Variants in LHFPL6 observed in about 807,000 individuals in gnomAD.
LHFPL6 encodes LHFPL tetraspan subfamily member 6 protein.
LHFPL6 carries 9 observed loss-of-function variants against 20.6 expected under a neutral mutation model. The ratio of observed to expected loss-of-function variants is 0.44; its 90% confidence interval spans 0.26 to 0.76. LHFPL6 has a LOEUF of 0.76. Among genes scored for constraint, LHFPL6 ranks in the 30% least tolerant of loss-of-function variants. The pLI is 0.20. For missense variants in LHFPL6, 218 were observed against 253.5 expected (o/e 0.86, Z 0.95); for synonymous variants, 105 against 98.7 (o/e 1.06, Z -0.38).
chr13:39,345,168 A>G (rs1869357870), intron 3 of LHFPL6, among the ~76,000 whole-genome samples: 1 of 152,220 alleles, frequency 6.6e-6, no homozygotes, highest in Admixed American at 6.5e-5. Context: ...ATACAAACAT[A>G]AACACCAAGA....
At chr13:39,393,442 G>GTCTCAA (rs1870760617) in intron 2 of LHFPL6, among the ~76,000 whole-genome samples, 1 of 152,194 alleles carries the variant, frequency 6.6e-6, no homozygotes, top group Admixed American at 6.5e-5. Context: ...TTTTAGGCTG[G>GTCTCAA]ACCTGAGGGG....
At position 39,378,537 on chromosome 13, in the gene LHFPL6, A is replaced by G; in HGVS notation, c.386-11T>C. On this transcript the variant is annotated splice_polypyrimidine_tract_variant and intron_variant, in intron 2 of 3. Transcript: ENST00000379589. ...CACCAATCAACAAGCCTGCAAAGAG[A>G]TAAGACAAGAGGGCTTTACCAGTGC... The G allele has an allele frequency of 6.2e-7, 1 of 1,607,310 alleles. No homozygotes were observed. Among genetic ancestry groups the G allele is most frequent in the Non-Finnish European group, 8.5e-7 (1 of 1,173,984 alleles).
chr13:39,559,381 G>A (rs1445835449), intron 2 of LHFPL6, among the ~76,000 whole-genome samples: 5 of 152,166 alleles, frequency 3.3e-5, no homozygotes, highest in African/African-American at 1.2e-4. Flanking sequence ...AGCATGATGC[G>A]GAGGCAGACA....
chr13:39,566,884 C>T (rs1375936211), intron 2 of LHFPL6, among the ~76,000 whole-genome samples: 1 of 151,942 alleles, frequency 6.6e-6, no homozygotes, highest in Admixed American at 6.6e-5. Context: ...AATAATAATA[C>T]TTAATTTCTC....
intron 2 of LHFPL6, among the ~76,000 whole-genome samples, chr13:39,583,813 G>A (rs995733745): frequency 6.6e-5 from 10 of 152,104 alleles, no homozygotes; most frequent in Non-Finnish European, 1.2e-4. Context: ...CTCAATGCAA[G>A]TCCTTCTGGC....
At chr13:39,353,566 A>T (rs1196386765) in intron 3 of LHFPL6, among the ~76,000 whole-genome samples, 1 of 151,876 alleles carries the variant, frequency 6.6e-6, no homozygotes, top group Middle Eastern at 3.2e-3. Context: ...CTCTACTAAA[A>T]AAAACCAAAA....
intron 2 of LHFPL6, among the ~76,000 whole-genome samples, chr13:39,437,641 C>T (rs1001372385): frequency 3.3e-5 from 5 of 152,172 alleles, no homozygotes; most frequent in African/African-American, 1.2e-4. Flanking sequence ...CGGTGGCTCA[C>T]GCCTGTAATC....
At chr13:39,546,794 T>A (rs1388451482) in intron 2 of LHFPL6, among the ~76,000 whole-genome samples, 3 of 152,096 alleles carry the variant, frequency 2.0e-5, no homozygotes, top group Admixed American at 2.0e-4. Flanking sequence ...TGTCCACTGC[T>A]TTTTTACTGC....
At chr13:39,520,129 C>T (rs148618607) in intron 2 of LHFPL6, among the ~76,000 whole-genome samples, 1 of 152,320 alleles carries the variant, frequency 6.6e-6, no homozygotes, top group African/African-American at 2.4e-5. Context: ...TGAATCAACA[C>T]CTTTTGTCAT....
Position 39,597,625 on chromosome 13 carries a change from T to C in LHFPL6, c.385+3207A>G, listed in dbSNP as rs187836657. Among the ~76,000 whole-genome samples, 200 of 152,322 alleles carry C rather than the reference T, an allele frequency of 1.3e-3. 1 individual carries two copies. The highest frequency in any genetic ancestry group is 4.7e-3 in the African/African-American group (195 of 41,570). ...TTGAGGGTAACTCAACCCACACTGG[T>C]TCTTTAAAGTTAGACATAAACATAC... is the stretch of plus-strand genomic sequence containing the variant. On this transcript the variant is annotated intron_variant, in intron 2 of 3. Transcript: ENST00000379589.
intron 2 of LHFPL6, among the ~76,000 whole-genome samples, chr13:39,397,454 C>A (rs1256801093): frequency 6.6e-6 from 1 of 152,216 alleles, no homozygotes; most frequent in Non-Finnish European, 1.5e-5. Flanking sequence ...ATGTGAGATG[C>A]AAGCTGCATG....
intron 2 of LHFPL6, among the ~76,000 whole-genome samples, chr13:39,471,870 T>C (rs1872957091): frequency 6.6e-6 from 1 of 152,212 alleles, no homozygotes. Flanking sequence ...AAAAATCCAG[T>C]TACTTTTCAC....
rs142526688 is a variant in LHFPL6 at position 39,378,478 on chromosome 13, C to T, written c.434G>A (p.Ser145Asn). ...GCALYPLGWD[S>N]EEVRQTCGYT... ...GCCACAAGTCTGCCGGACTTCCTCACTGTCCCAGCCCAAGGGGTAGAGGGC... is the reference window on the plus strand; with the variant it reads ...GCCACAAGTCTGCCGGACTTCCTCATTGTCCCAGCCCAAGGGGTAGAGGGC... The change falls in exon 3 of 4, where the codon AGT becomes AAT. Residue 145 changes from serine (S) to asparagine (N), a missense_variant. Ser to Asn is a conservative substitution (Grantham distance 46). Transcript: ENST00000379589. 63 of 1,614,038 alleles carry T rather than the reference C, an allele frequency of 3.9e-5. No individual in the cohort carries two copies. The African/African-American group carries it at 7.9e-4, about 20-fold the overall frequency.
intron 2 of LHFPL6, among the ~76,000 whole-genome samples, chr13:39,427,993 A>T (rs966573981): frequency 6.6e-6 from 1 of 152,216 alleles, no homozygotes; most frequent in African/African-American, 2.4e-5. Flanking sequence ...ACCTTGAGCC[A>T]TGATTGTAAG....
intron 2 of LHFPL6, among the ~76,000 whole-genome samples, chr13:39,386,232 C>T (rs185522433): frequency 2.2e-3 from 329 of 152,306 alleles, no homozygotes; most frequent in African/African-American, 7.4e-3. Context: ...TGTCCATTTT[C>T]ATCCCTAGAT....
intron 3 of LHFPL6, among the ~76,000 whole-genome samples, chr13:39,363,441 A>G (rs532827429): frequency 6.6e-6 from 1 of 152,308 alleles, no homozygotes; most frequent in Admixed American, 6.5e-5. Flanking sequence ...GAAGCCAGAT[A>G]GTAAATATTG....
intron 2 of LHFPL6, among the ~76,000 whole-genome samples, chr13:39,414,019 T>C (rs1871294506): frequency 6.6e-6 from 1 of 152,222 alleles, no homozygotes; most frequent in African/African-American, 2.4e-5. Flanking sequence ...CATTGCTGCA[T>C]AGCATTTCAT....
At chr13:39,359,120 C>T (rs980967888) in intron 3 of LHFPL6, among the ~76,000 whole-genome samples, 5 of 152,288 alleles carry the variant, frequency 3.3e-5, no homozygotes, top group Non-Finnish European at 5.9e-5. Context: ...CGAGATCACA[C>T]CACGTACTCC....
chr13:39,398,536 C>G (rs1315233618), intron 2 of LHFPL6, among the ~76,000 whole-genome samples: 1 of 152,222 alleles, frequency 6.6e-6, no homozygotes, highest in Non-Finnish European at 1.5e-5. Flanking sequence ...TGAGGTGACT[C>G]TGCAGAAGTG....
Sources: gnomAD v4.1 joint callset for allele counts (sites outside exome capture counted in the v4.1 genomes callset) on GRCh38, gnomAD v4.1.1 for gene constraint, MANE v1.5 for transcripts, NCBI Gene and HGNC (gene_info 2026-07-23, HGNC 2026-07-21) for gene names.